BAZ2A: variants seen among roughly 807,000 people sequenced by gnomAD.
The protein encoded by BAZ2A is bromodomain adjacent to zinc finger domain protein 2A.
In BAZ2A, 34 loss-of-function variants were observed where a neutral mutation model predicts 199.9. The ratio of observed to expected loss-of-function variants is 0.17; its 90% confidence interval spans 0.13 to 0.23. BAZ2A has a LOEUF of 0.23. Ranked by LOEUF, BAZ2A falls within the 10% of genes least tolerant of loss-of-function variation. The probability of loss-of-function intolerance (pLI) is 1.00; values close to 1 mark genes in which losing one functional copy is unlikely to be tolerated. For synonymous variants in BAZ2A, 857 were observed against 883.9 expected, an observed-to-expected ratio of 0.97 and a Z score of 0.54; for missense variants, 2,002 against 2,391.1, an observed-to-expected ratio of 0.84 and a Z score of 3.39.
chr12:56,619,522 AAAAAG>A (rs1455709620), intron 1 of BAZ2A, among the ~76,000 whole-genome samples: 3 of 151,616 alleles, frequency 2.0e-5, no homozygotes, highest in East Asian at 1.9e-4. Context: ...AAAAAAAAAA[AAAAAG>A]AAAAGAAAAG....
chr12:56,603,286 A>C, intron 18 of BAZ2A, 73 bp downstream of exon 18: 1 of 1,479,138 alleles, frequency 6.8e-7, no homozygotes, highest in Non-Finnish European at 9.3e-7. Context: ...ATTAAAATTC[A>C]GTTTAAAAAA....
Position 56,614,895 on chromosome 12 carries a change from T to G in BAZ2A, c.730+119A>C. ...CTCTGCTAATTGCTAATCACCAACA[T>G]GCAAATCAGCCTCCACTGCAGAGAG... On this transcript the variant is annotated intron_variant, in intron 3 of 28. Transcript: ENST00000549884. 3 of 1,078,936 alleles carry G rather than the reference T, an allele frequency of 2.8e-6. No individual in the cohort carries two copies. The South Asian group carries it at 4.4e-5, about 16-fold the overall frequency. The allele number at this position is 1,078,936 out of a possible 1,614,324, so 66.8% of individuals were successfully genotyped here.
upstream of BAZ2A, among the ~76,000 whole-genome samples, chr12:56,631,834 C>T (rs1258719434): frequency 6.6e-6 from 1 of 152,086 alleles, no homozygotes; most frequent in Non-Finnish European, 1.5e-5. Context: ...ATCCATCAGT[C>T]TACATTGGAT....
upstream of BAZ2A, among the ~76,000 whole-genome samples, chr12:56,634,156 G>A (rs1565843442): frequency 1.3e-5 from 2 of 152,120 alleles, no homozygotes; most frequent in Non-Finnish European, 2.9e-5. Context: ...CTAGGGAGTC[G>A]GGGGGCTTCC....
At chr12:56,633,900 T>C (rs1951380229), upstream of BAZ2A, among the ~76,000 whole-genome samples, 2 of 152,140 alleles carry the variant, frequency 1.3e-5, no homozygotes, top group South Asian at 2.1e-4. Flanking sequence ...GACTGGCTAA[T>C]TTTTGTATAT....
chr12:56,601,125 G>C (rs761203428), intron 21 of BAZ2A, 27 bp from the exon 22 acceptor site: 15 of 1,613,832 alleles, frequency 9.3e-6, no homozygotes, highest in East Asian at 2.2e-5. Flanking sequence ...TATATGTGGG[G>C]CGCCAGCTGT....
chr12:56,601,615 G>T lies in BAZ2A; in HGVS notation c.4002C>A (p.Pro1334=). The stretch of plus-strand genomic sequence containing the variant: ...CCTCAGAAACTGCAGGGGGCGGTGT[G>T]GGGGCAGCATTGCAGGGCATCTGGG... ...ISAQMPCNAA[P]TPPPAVSEDQ... The change falls in exon 20 of 29, where the codon CCC becomes CCA. Residue 1334 remains proline (P), a synonymous_variant. Coordinates refer to ENST00000549884, the MANE Select transcript of BAZ2A (RefSeq NM_001300905.2). 1.2e-6 allele frequency: 2 copies of T among 1,613,922 alleles called. No individual in the cohort carries two copies.
upstream of BAZ2A, among the ~76,000 whole-genome samples, chr12:56,637,404 T>C (rs984325553): frequency 2.6e-5 from 4 of 150,976 alleles, no homozygotes; most frequent in African/African-American, 9.9e-5. Flanking sequence ...CCTTGTAAGA[T>C]TATCTTTTCT....
intron 10 of BAZ2A, among the ~76,000 whole-genome samples, chr12:56,607,622 C>CA (rs1306161442): frequency 1.3e-5 from 2 of 152,326 alleles, no homozygotes; most frequent in Non-Finnish European, 2.9e-5. Flanking sequence ...CCGCTGGTCT[C>CA]AGCCTCTCAA....
chr12:56,624,780 G>A (rs1951027617), intron 1 of BAZ2A, among the ~76,000 whole-genome samples: 2 of 152,250 alleles, frequency 1.3e-5, no homozygotes, highest in African/African-American at 4.8e-5. Context: ...AAATTAGCTA[G>A]GCATGGTGGC....
chr12:56,598,780 G>A lies in BAZ2A; in HGVS notation c.5550C>T (p.Tyr1850=). Reference sequence around the variant, plus strand: ...CAGCCGCAAACTCCTCTGAGCTGGTGTACCTGGACAGGGCAGGGGCAAAAC... The same window carrying A: ...CAGCCGCAAACTCCTCTGAGCTGGTATACCTGGACAGGGCAGGGGCAAAAC... ...TMRERLLRGG[Y]TSSEEFAADA... is the part of the protein sequence containing the mutation. The change falls in exon 29 of 29, where the codon TAC becomes TAT. Residue 1850 remains tyrosine, a synonymous_variant. Coordinates refer to ENST00000549884, the MANE Select transcript of BAZ2A (RefSeq NM_001300905.2). 2 of 1,611,968 alleles carry A rather than the reference G, an allele frequency of 1.2e-6. No homozygotes were observed. Among genetic ancestry groups the A allele is most frequent in the Non-Finnish European group, 8.5e-7 (1 of 1,178,910 alleles).
In BAZ2A at chr12:56,606,080, G is replaced by A. The variant is rs1392513195; in HGVS notation, c.2260-17C>T. 1 of 1,551,040 alleles carries A rather than the reference G, an allele frequency of 6.4e-7. No individual in the cohort carries two copies. The highest frequency in any genetic ancestry group is 8.7e-7 in the Non-Finnish European group (1 of 1,146,716). ...TTTCTCAGCCTACCCAAGGAAGAGA[G>A]GAACCAAGACTGCCATAAAGATATC... is the stretch of plus-strand genomic sequence containing the variant. On this transcript the variant is annotated splice_polypyrimidine_tract_variant and intron_variant, in intron 12 of 28. Transcript: ENST00000549884.
At chr12:56,621,461 A>G (rs1167176215) in intron 1 of BAZ2A, among the ~76,000 whole-genome samples, 1 of 152,108 alleles carries the variant, frequency 6.6e-6, no homozygotes, top group Non-Finnish European at 1.5e-5. Flanking sequence ...TGTGCTATGC[A>G]ATGTGGTCAG....
At position 56,615,045 on chromosome 12, in the gene BAZ2A, T is replaced by C. The variant is rs771782532; in HGVS notation, c.699A>G (p.Val233=). The change falls in exon 3 of 29, where the codon GTA becomes GTG. Residue 233 remains valine, a synonymous_variant. Coordinates refer to ENST00000549884, the MANE Select transcript of BAZ2A (RefSeq NM_001300905.2). The part of the protein sequence containing the change: ...SVVAENGTGL[V]GSLELEEEQP... The stretch of plus-strand genomic sequence containing the variant: ...GCTCTTCTTCCAGCTCCAAGCTGCC[T>C]ACCAAGCCAGTGCCATTCTCTGCCA... The C allele has an allele frequency of 4.3e-6, 7 of 1,613,340 alleles. No homozygotes were observed. Among genetic ancestry groups the C allele is most frequent in the Non-Finnish European group, 8.5e-7 (1 of 1,179,722 alleles).
rs966813053 is a variant in BAZ2A at position 56,601,696 on chromosome 12, C to G, written c.3921G>C (p.Glu1307Asp). 4.3e-6 allele frequency: 7 copies of G among 1,613,986 alleles called. No individual in the cohort carries two copies. The Admixed American group carries it at 5.0e-5, about 12-fold the overall frequency. The change falls in exon 20 of 29, where the codon GAG becomes GAC. Residue 1307 changes from glutamate to aspartate, a missense_variant. Physicochemically the swap from Glu to Asp is conservative, Grantham distance 45. Coordinates refer to ENST00000549884, the MANE Select transcript of BAZ2A (RefSeq NM_001300905.2). ...CAGGGCTGGATTCTGCCTCATCAGG[C>G]TCTGGCTCCTCCGGGGGTTGTGATG... ...PAPSQPPEEP[E>D]PDEAESSPDP... is the part of the protein sequence containing the mutation.
chr12:56,610,002 C>A (rs1418902902), intron 9 of BAZ2A, 56 bp from the exon 10 acceptor site: 12 of 1,603,802 alleles, frequency 7.5e-6, no homozygotes, highest in Non-Finnish European at 1.0e-5. Flanking sequence ...GGCCACGAGG[C>A]CCTCGGAACC....
At position 56,620,563 on chromosome 12, in the gene BAZ2A, C is replaced by CTTTTTTTTTTTTT. The variant is rs11367195; in HGVS notation, c.-2-3044_-2-3032dup. 6.4e-4 allele frequency among the ~76,000 whole-genome samples: 92 copies of CTTTTTTTTTTTTT among 144,440 alleles called. 2 individuals carry two copies. The highest frequency in any genetic ancestry group is 2.3e-3 in the African/African-American group (89 of 38,294). The allele number at this position is 144,440 out of a possible 152,430, so 94.8% of individuals were successfully genotyped here. A position where few individuals can be genotyped will look rare whatever the true frequency, so the allele number is the denominator to read the frequency against. ...AACACACAGGGTCCTCCAGGATTTCCTTTTTTTTTTTTTGAGACAGAGTTT... is the reference window on the plus strand; with the variant it reads ...AACACACAGGGTCCTCCAGGATTTCCTTTTTTTTTTTTTTTTTTTTTTTTTTGAGACAGAGTTT... On this transcript the variant is annotated intron_variant, in intron 1 of 28. Transcript: ENST00000549884.
At position 56,600,030 on chromosome 12, in the gene BAZ2A, G is replaced by C; in HGVS notation, c.4959C>G (p.Ala1653=). 1 of 1,614,042 alleles carries C rather than the reference G, an allele frequency of 6.2e-7. No individual in the cohort carries two copies. The highest frequency in any genetic ancestry group is 2.2e-5 in the East Asian group (1 of 44,884). ...GCTGGCCCAGGCACAAGCACACCTG[G>C]GCTGCGCTCCGGCACCGCTCGAGGG... ...RQTLERCRSA[A]QVCLCLGQLE... The change falls in exon 25 of 29, where the codon GCC becomes GCG. Residue 1653 remains alanine (A), a synonymous_variant. Coordinates refer to ENST00000549884, the MANE Select transcript of BAZ2A (RefSeq NM_001300905.2).
intron 1 of BAZ2A, among the ~76,000 whole-genome samples, chr12:56,628,133 G>A (rs1951167388): frequency 9.1e-6 from 1 of 110,426 alleles, no homozygotes; most frequent in Admixed American, 1.4e-4. Context: ...AGTGAGACAA[G>A]ATCACACCAC....
Sources: allele counts gnomAD v4.1 joint callset (sites outside exome capture counted in the v4.1 genomes callset), GRCh38; gene constraint gnomAD v4.1.1; transcripts MANE v1.5; gene names NCBI Gene and HGNC (gene_info 2026-07-23, HGNC 2026-07-21).